The following AGBL4 variants were observed in gnomAD, a reference collection of about 807,000 sequenced individuals.
AGBL4 encodes cytosolic carboxypeptidase 6.
A neutral mutation model predicts 66.4 loss-of-function variants in AGBL4; 58 were observed. The observed-to-expected ratio is 0.87, with a 90% CI of 0.71 to 1.09. The LOEUF is 1.09. Ranked by LOEUF, AGBL4 falls within the 50% of genes least tolerant of loss-of-function variation. The probability of loss-of-function intolerance (pLI) is 0.00; values close to 1 mark genes in which losing one functional copy is unlikely to be tolerated. For missense variants in AGBL4, 579 were observed against 631.0 expected, an observed-to-expected ratio of 0.92 and a Z score of 0.88; for synonymous variants, 234 against 222.9, an observed-to-expected ratio of 1.05 and a Z score of -0.44.
At chr1:49,127,498 G>T (rs1645790085) in intron 4 of AGBL4, among the ~76,000 whole-genome samples, 2 of 152,036 alleles carry the variant, frequency 1.3e-5, no homozygotes, top group African/African-American at 4.8e-5. Context: ...GTAATGAGGG[G>T]TAGTTTTGAG....
chr1:48,530,380 A>C (rs1427260654), downstream of AGBL4, among the ~76,000 whole-genome samples: 2 of 152,144 alleles, frequency 1.3e-5, no homozygotes, highest in African/African-American at 4.8e-5. Context: ...ATGCTGCACA[A>C]ATGTTAATCA....
intron 2 of AGBL4, among the ~76,000 whole-genome samples, chr1:49,763,300 G>A (rs1292286841): frequency 6.6e-6 from 1 of 152,190 alleles, no homozygotes. Context: ...TTTAAAGTCA[G>A]GTAGTGTGAT....
At chr1:48,727,889 T>G in intron 6 of AGBL4, 1 of 1,602,242 alleles carries the variant, frequency 6.2e-7, no homozygotes, top group Non-Finnish European at 8.5e-7. Flanking sequence ...CCAAAGTTTA[T>G]TGCAAATTGT....
chr1:49,988,321 C>G (rs190336617), intron 1 of AGBL4, among the ~76,000 whole-genome samples: 1 of 152,096 alleles, frequency 6.6e-6, no homozygotes, highest in Non-Finnish European at 1.5e-5. Context: ...TTTGAGAATA[C>G]CAAAAGGCAA....
chr1:49,515,415 T>C lies in AGBL4; in HGVS notation c.282+181898A>G, dbSNP rs186972287. On this transcript the variant is annotated intron_variant, in intron 3 of 13. Transcript: ENST00000371839. The stretch of plus-strand genomic sequence containing the variant: ...AGGTGCTGGAGAGGATGTGGAGAAA[T>C]AGGAACACTTTTACACTGTTGGTGG... Among the ~76,000 whole-genome samples, 26 of 152,078 alleles carry C rather than the reference T, an allele frequency of 1.7e-4. No individual in the cohort carries two copies. The East Asian group carries it at 2.9e-3, about 17-fold the overall frequency.
At chr1:49,452,926 C>A (rs2148684859) in intron 3 of AGBL4, among the ~76,000 whole-genome samples, 1 of 151,996 alleles carries the variant, frequency 6.6e-6, no homozygotes, top group East Asian at 1.9e-4. Flanking sequence ...CACTGGCAGG[C>A]ACTTATTTTT....
intron 3 of AGBL4, among the ~76,000 whole-genome samples, chr1:49,689,634 C>A (rs1335605897): frequency 1.3e-5 from 2 of 152,140 alleles, no homozygotes; most frequent in Non-Finnish European, 2.9e-5. Context: ...ATAGAGATTA[C>A]ATTCAATCTA....
chr1:49,044,065 G>A (rs775445187), intron 5 of AGBL4, among the ~76,000 whole-genome samples: 1 of 152,192 alleles, frequency 6.6e-6, no homozygotes, highest in Non-Finnish European at 1.5e-5. Context: ...ACTTTTTGAA[G>A]AGTAAAACAT....
At chr1:48,845,409 G>A (rs750376335) in intron 6 of AGBL4, among the ~76,000 whole-genome samples, 4 of 152,178 alleles carry the variant, frequency 2.6e-5, no homozygotes, top group African/African-American at 7.2e-5. Flanking sequence ...CACAGAATGC[G>A]GTATGAATGC....
At chr1:49,737,752 T>C (rs1254343917) in intron 2 of AGBL4, among the ~76,000 whole-genome samples, 5 of 152,210 alleles carry the variant, frequency 3.3e-5, no homozygotes, top group Non-Finnish European at 5.9e-5. Context: ...GGCAGTAGGA[T>C]GACATATTCA....
In AGBL4 at chr1:48,911,339, C is replaced by T. The variant is rs900473695; in HGVS notation, c.595-44109G>A. Reference sequence around the variant, plus strand: ...AAATTAGAAATCATAAGGACCTGGCCGGGCGTGGTGGCTCATGCCTGTAAT... The same window carrying T: ...AAATTAGAAATCATAAGGACCTGGCTGGGCGTGGTGGCTCATGCCTGTAAT... On this transcript the variant is annotated intron_variant, in intron 5 of 13. Coordinates refer to ENST00000371839, the MANE Select transcript of AGBL4 (RefSeq NM_032785.4). 3.7e-4 allele frequency among the ~76,000 whole-genome samples: 57 copies of T among 152,072 alleles called. 1 individual carries two copies. The highest frequency in any genetic ancestry group is 3.4e-3 in the Admixed American group (52 of 15,260).
Position 49,877,603 on chromosome 1 carries a change from T to C in AGBL4, c.35-26085A>G, listed in dbSNP as rs959321478. ...TTTTTGCATCGATGTTCATCAAGGA[T>C]ATTGGTCTAAAATTCTCTTTTTTGG... On this transcript the variant is annotated intron_variant, in intron 1 of 13. Transcript: ENST00000371839. 1.3e-4 allele frequency among the ~76,000 whole-genome samples: 20 copies of C among 152,034 alleles called. 1 individual carries two copies. Among genetic ancestry groups the C allele is most frequent in the African/African-American group, 4.8e-4 (20 of 41,322 alleles).
At chr1:48,644,076 G>T (rs1431815465) in intron 8 of AGBL4, among the ~76,000 whole-genome samples, 1 of 152,122 alleles carries the variant, frequency 6.6e-6, no homozygotes, top group African/African-American at 2.4e-5. Flanking sequence ...GGAATAGAAT[G>T]AGAGTAGGAG....
At chr1:49,051,843 A>G (rs957968720) in intron 4 of AGBL4, among the ~76,000 whole-genome samples, 1 of 152,026 alleles carries the variant, frequency 6.6e-6, no homozygotes, top group Non-Finnish European at 1.5e-5. Context: ...TCACAGGGAG[A>G]GGGAGAAAGA....
chr1:49,998,240 A>G (rs1020980678), intron 1 of AGBL4, among the ~76,000 whole-genome samples: 2 of 152,186 alleles, frequency 1.3e-5, no homozygotes, highest in African/African-American at 2.4e-5. Flanking sequence ...TCAATTAGAA[A>G]TGAAACAGGA....
At chr1:49,108,445 G>T (rs1160555272) in intron 4 of AGBL4, among the ~76,000 whole-genome samples, 1 of 152,148 alleles carries the variant, frequency 6.6e-6, no homozygotes, top group African/African-American at 2.4e-5. Flanking sequence ...AAAGGTGGGG[G>T]AATCTCTGTT....
chr1:49,630,137 C>T (rs1015238149), intron 3 of AGBL4, among the ~76,000 whole-genome samples: 3 of 152,092 alleles, frequency 2.0e-5, no homozygotes, highest in Non-Finnish European at 4.4e-5. Flanking sequence ...TTATCATAAA[C>T]AGTATTGAGT....
At chr1:49,896,014 T>C (rs1649169290) in intron 1 of AGBL4, among the ~76,000 whole-genome samples, 1 of 146,062 alleles carries the variant, frequency 6.8e-6, no homozygotes, top group Non-Finnish European at 1.5e-5. Context: ...AAGACACACA[T>C]AGACTGAAAA....
intron 1 of AGBL4, among the ~76,000 whole-genome samples, chr1:49,946,951 C>A (rs947447244): frequency 6.6e-6 from 1 of 151,718 alleles, no homozygotes; most frequent in African/African-American, 2.4e-5. Context: ...AACTAGAAAA[C>A]CTAGTGGAGA....
Sources: allele counts gnomAD v4.1 joint callset (sites outside exome capture counted in the v4.1 genomes callset), GRCh38; gene constraint gnomAD v4.1.1; transcripts MANE v1.5; gene names NCBI Gene and HGNC (gene_info 2026-07-23, HGNC 2026-07-21).